The following TGM4 variants were observed in gnomAD, a reference collection of about 807,000 sequenced individuals.
The protein encoded by TGM4 is protein-glutamine gamma-glutamyltransferase 4.
In TGM4, 61 loss-of-function variants were observed where a neutral mutation model predicts 76.3. The observed-to-expected ratio is 0.80, with a 90% CI of 0.65 to 0.99. TGM4 has a LOEUF of 0.99. TGM4 is among the 50% of genes least tolerant of loss of function. TGM4 has a pLI of 0.00. For missense variants in TGM4, 794 were observed against 843.2 expected, an observed-to-expected ratio of 0.94 and a Z score of 0.72; for synonymous variants, 337 against 329.8, an observed-to-expected ratio of 1.02 and a Z score of -0.24.
At position 44,911,103 on chromosome 3, in the gene TGM4, C is replaced by A; in HGVS notation, c.1752C>A (p.Phe584Leu). The stretch of plus-strand genomic sequence containing the variant: ...TGGCCTCTGAAGTATTCACGTCTTT[C>A]CAGTACCCTGAGTTCTCTATAGAGG... ...EIMASEVFTS[F>L]QYPEFSIELP... Residue 584 changes from phenylalanine to leucine, a missense_variant, in exon 12 of 14, where the codon TTC becomes TTA. Physicochemically the swap from Phe to Leu is conservative, Grantham distance 22. Transcript: ENST00000296125. 1 of 1,614,168 alleles carries A rather than the reference C, an allele frequency of 6.2e-7. No individual in the cohort carries two copies. The highest frequency in any genetic ancestry group is 2.2e-5 in the East Asian group (1 of 44,878).
intron 8 of TGM4, 71 bp downstream of exon 8, chr3:44,902,002 G>A: frequency 6.4e-7 from 1 of 1,556,820 alleles, no homozygotes; most frequent in Non-Finnish European, 8.7e-7. Flanking sequence ...TTTAGAAACA[G>A]GGTCTCTCGC....
chr3:44,912,216 T>C (rs1172273142), intron 13 of TGM4, among the ~76,000 whole-genome samples: 2 of 152,250 alleles, frequency 1.3e-5, no homozygotes, highest in African/African-American at 4.8e-5. Context: ...TTCAATCTTT[T>C]CCTTTACGGA....
At chr3:44,900,845 G>A (rs4683003) in intron 6 of TGM4, 74,202 of 152,148 alleles carry the variant, frequency 0.49, 18,651 homozygotes, top group East Asian at 0.81. Context: ...AGGATCGTCT[G>A]GCCAGGGCTC....
intron 3 of TGM4, among the ~76,000 whole-genome samples, chr3:44,889,733 G>A (rs552343373): frequency 6.6e-6 from 1 of 152,278 alleles, no homozygotes; most frequent in East Asian, 1.9e-4. Context: ...TAGAGGCCTG[G>A]ACGCCCTTGG....
chr3:44,907,306 CTACCA>C, intron 10 of TGM4, 106 bp downstream of exon 10: 1 of 950,966 alleles, frequency 1.1e-6, no homozygotes, highest in South Asian at 2.5e-5. Flanking sequence ...AACCCCATCC[CTACCA>C]AAAAAAAAAA....
intron 1 of TGM4, among the ~76,000 whole-genome samples, chr3:44,879,740 AGTGC>A: frequency 6.6e-6 from 1 of 151,458 alleles, no homozygotes; most frequent in Non-Finnish European, 1.5e-5. Flanking sequence ...TGCCTCCCAA[AGTGC>A]TGGGATTACA....
In TGM4 at chr3:44,874,615, G is replaced by C; in HGVS notation, c.-64G>C. The C allele has an allele frequency of 6.2e-7, 1 of 1,607,456 alleles. No homozygotes were observed. The highest frequency in any genetic ancestry group is 1.1e-5 in the South Asian group (1 of 90,862). On this transcript the variant is annotated 5_prime_UTR_variant, in exon 1 of 14. Coordinates refer to ENST00000296125, the MANE Select transcript of TGM4 (RefSeq NM_003241.4). Reference sequence around the variant, plus strand: ...CTGTTTCCTCCCCTGAGGACCGACTGTGTGGAAGCACCAGGCATCAGAGAT... The same window carrying C: ...CTGTTTCCTCCCCTGAGGACCGACTCTGTGGAAGCACCAGGCATCAGAGAT...
intron 4 of TGM4, 27 bp from the exon 5 acceptor site, chr3:44,893,550 C>G: frequency 6.3e-7 from 1 of 1,595,190 alleles, no homozygotes; most frequent in Non-Finnish European, 8.6e-7. Context: ...AGAATATAAC[C>G]TCTGTGGATG....
At position 44,877,036 on chromosome 3, in the gene TGM4, G is replaced by A. The variant is rs955492664; in HGVS notation, c.19+2339G>A. Among the ~76,000 whole-genome samples the A allele has an allele frequency of 3.3e-5, 5 of 152,188 alleles. 1 individual carries two copies. The highest frequency in any genetic ancestry group is 4.1e-4 in the South Asian group (2 of 4,826). ...ACTGAAACAGCAGGCCAGGTATGGT[G>A]GTTCATGCCTATAATCCCCAAAATT... On this transcript the variant is annotated intron_variant, in intron 1 of 13. Transcript: ENST00000296125.
rs778262691 is a variant in TGM4 at position 44,907,091 on chromosome 3, G to A, written c.1218G>A (p.Glu406=). The part of the protein sequence containing the change: ...WLVKMVNGQE[E]LHVISMETTS... The stretch of plus-strand genomic sequence containing the variant: ...TGAAGATGGTGAATGGGCAGGAGGA[G>A]TTACACGTAATTTCAATGGAGACCA... Residue 406 remains glutamate (E), a synonymous_variant, in exon 10 of 14, where the codon GAG becomes GAA. Transcript: ENST00000296125. The A allele has an allele frequency of 2.5e-6, 4 of 1,614,040 alleles. No homozygotes were observed. The highest frequency in any genetic ancestry group is 3.3e-5 in the Admixed American group (2 of 60,006).
At chr3:44,903,442 A>G (rs1312022051) in intron 8 of TGM4, 2 of 153,664 alleles carry the variant, frequency 1.3e-5, no homozygotes, top group Admixed American at 6.5e-5. Context: ...GAATGAAATA[A>G]CAGTTGTAAT....
intron 13 of TGM4, 88 bp from the exon 14 acceptor site, chr3:44,913,496 T>C: frequency 1.3e-6 from 2 of 1,519,546 alleles, no homozygotes; most frequent in Non-Finnish European, 1.8e-6. Flanking sequence ...TAAGGCTCAG[T>C]TTCCTGGCTT....
intron 9 of TGM4, among the ~76,000 whole-genome samples, chr3:44,904,550 TGGTC>T (rs1699898199): frequency 6.6e-6 from 1 of 152,262 alleles, no homozygotes; most frequent in Non-Finnish European, 1.5e-5. Flanking sequence ...GGCATGGGGT[TGGTC>T]TGAGGTTACT....
chr3:44,906,453 C>G (rs996513929), intron 9 of TGM4, among the ~76,000 whole-genome samples: 1 of 151,678 alleles, frequency 6.6e-6, no homozygotes, highest in Non-Finnish European at 1.5e-5. Context: ...TCTTATTAGC[C>G]CAGATCCATA....
chr3:44,913,360 G>A (rs963137887), intron 13 of TGM4, among the ~76,000 whole-genome samples: 7 of 152,250 alleles, frequency 4.6e-5, no homozygotes, highest in African/African-American at 1.7e-4. Flanking sequence ...AGAGTTGGAA[G>A]AGCTTCTGGA....
chr3:44,903,912 A>C lies in TGM4; in HGVS notation c.1000A>C (p.Met334Leu), dbSNP rs369506013. Residue 334 changes from methionine to leucine, a missense_variant, in exon 9 of 14, where the codon ATG becomes CTG. Physicochemically the swap from Met to Leu is conservative, Grantham distance 15 (BLOSUM62 2). Transcript: ENST00000296125. ...TTTCCATGTGTGGACGGATGCCTGG[A>C]TGAAGCGACCGGATCTGCCCAAGGG... is the stretch of plus-strand genomic sequence containing the variant. ...WNFHVWTDAW[M>L]KRPDLPKGYD... 8.0e-5 allele frequency: 129 copies of C among 1,614,004 alleles called. No individual in the cohort carries two copies. The highest frequency in any genetic ancestry group is 1.1e-4 in the Non-Finnish European group (127 of 1,180,040).
intron 6 of TGM4, among the ~76,000 whole-genome samples, chr3:44,898,897 AGGTGGCCAGGCT>A (rs1421350298): frequency 6.6e-6 from 1 of 152,118 alleles, no homozygotes; most frequent in East Asian, 1.9e-4. Flanking sequence ...AGGGGCCAGC[AGGTGGCCAGGCT>A]GGATGCTGAG....
rs901592384 is a variant in TGM4 at position 44,910,276 on chromosome 3, A to G, written c.1514A>G (p.Asn505Ser). 4 of 1,614,116 alleles carry G rather than the reference A, an allele frequency of 2.5e-6. No individual in the cohort carries two copies. The African/African-American group carries it at 5.3e-5, about 22-fold the overall frequency. Reference protein sequence around the residue: ...KRKTAALQNVNILGSFELQLY... With the variant: ...KRKTAALQNVSILGSFELQLY... Reference sequence around the variant, plus strand: ...AAGACCGCTGCCCTACAGAATGTCAACATCTTGGGCTCCTTTGAACTACAG... The same window carrying G: ...AAGACCGCTGCCCTACAGAATGTCAGCATCTTGGGCTCCTTTGAACTACAG... Residue 505 changes from asparagine to serine, a missense_variant, in exon 11 of 14, where the codon AAC becomes AGC. Transcript: ENST00000296125.
chr3:44,909,838 A>G (rs1237657236), intron 10 of TGM4, among the ~76,000 whole-genome samples: 3 of 152,204 alleles, frequency 2.0e-5, no homozygotes, highest in African/African-American at 7.2e-5. Context: ...ATTTTTGCCA[A>G]TGTTCTCATT....
Sources: allele counts gnomAD v4.1 joint callset (sites outside exome capture counted in the v4.1 genomes callset), GRCh38; gene constraint gnomAD v4.1.1; transcripts MANE v1.5; gene names NCBI Gene and HGNC (gene_info 2026-07-23, HGNC 2026-07-21).